TRAF1: variants seen among roughly 807,000 people sequenced by gnomAD.
TRAF1 encodes the protein TNF receptor-associated factor 1.
TRAF1 carries 23 observed loss-of-function variants against 40.9 expected under a neutral mutation model. The observed-to-expected ratio is 0.56, with a 90% CI of 0.40 to 0.80. The LOEUF (loss-of-function observed/expected upper bound fraction) is 0.80. TRAF1 is among the 30% of genes least tolerant of loss of function. The pLI is 0.00. For synonymous variants in TRAF1, 206 were observed against 218.8 expected, an observed-to-expected ratio of 0.94 and a Z score of 0.52; for missense variants, 477 against 528.7, an observed-to-expected ratio of 0.90 and a Z score of 0.96.
intron 3 of TRAF1, among the ~76,000 whole-genome samples, chr9:120,920,018 C>T (rs905720568): frequency 1.3e-5 from 2 of 152,182 alleles, no homozygotes; most frequent in Admixed American, 1.3e-4. Context: ...ATCACCGCCA[C>T]CCACCACACA....
chr9:120,925,914 C>G (rs781345169), intron 2 of TRAF1, 22 bp downstream of exon 2: 3 of 1,613,490 alleles, frequency 1.9e-6, no homozygotes, highest in East Asian at 2.2e-5. Context: ...TCTGCCCACC[C>G]TCCGCTCCTC....
intron 2 of TRAF1, 123 bp from the exon 3 acceptor site, chr9:120,923,915 A>G: frequency 1.1e-6 from 1 of 909,518 alleles, no homozygotes; most frequent in South Asian, 1.4e-5. Context: ...CCACAATCCC[A>G]GAGCCACAGT....
intron 3 of TRAF1, among the ~76,000 whole-genome samples, chr9:120,917,654 C>T (rs2046577792): frequency 6.6e-6 from 1 of 152,168 alleles, no homozygotes; most frequent in Non-Finnish European, 1.5e-5. Flanking sequence ...GGATGGCTTC[C>T]TCCCTTCCCC....
intron 7 of TRAF1, 97 bp downstream of exon 7, chr9:120,909,133 G>A (rs2046505328): frequency 1.6e-5 from 23 of 1,444,764 alleles, no homozygotes; most frequent in Non-Finnish European, 2.2e-5. Context: ...GAGGGTGGGG[G>A]ACTTGCCAGG....
chr9:120,906,629 A>G lies in TRAF1; in HGVS notation c.1033-1391T>C, dbSNP rs79351284. On this transcript the variant is annotated intron_variant, in intron 7 of 7. Transcript: ENST00000373887. The stretch of plus-strand genomic sequence containing the variant: ...TCCCCACCAGAGTGGTAGTTTTGTA[A>G]CAATTGATGAAGCTGCATTGACACA... Among the ~76,000 whole-genome samples, 717 of 152,318 alleles carry G rather than the reference A, an allele frequency of 4.7e-3. 10 individuals carry two copies. Among genetic ancestry groups the G allele is most frequent in the African/African-American group, 0.017 (687 of 41,570 alleles).
chr9:120,914,395 T>C (rs1588150529), intron 3 of TRAF1, 95 bp from the exon 4 acceptor site: 2 of 1,289,232 alleles, frequency 1.6e-6, no homozygotes, highest in African/African-American at 1.5e-5. Flanking sequence ...GGGCAGGAGA[T>C]GGCTTGGGCC....
chr9:120,925,828 A>C, intron 2 of TRAF1, 108 bp downstream of exon 2: 1 of 1,507,362 alleles, frequency 6.6e-7, no homozygotes, highest in Non-Finnish European at 9.0e-7. Context: ...GGCCCAGAGA[A>C]GAAAAGTCAC....
At chr9:120,922,314 C>G (rs565653360) in intron 3 of TRAF1, among the ~76,000 whole-genome samples, 5 of 152,268 alleles carry the variant, frequency 3.3e-5, no homozygotes, top group African/African-American at 1.2e-4. Context: ...TTAGCAAAGG[C>G]TTTGCCAAAA....
intron 3 of TRAF1, among the ~76,000 whole-genome samples, chr9:120,919,145 G>A (rs1431576316): frequency 6.6e-6 from 1 of 152,208 alleles, no homozygotes; most frequent in Non-Finnish European, 1.5e-5. Context: ...GAGAAGAACA[G>A]AGGATCTGTC....
intron 3 of TRAF1, among the ~76,000 whole-genome samples, chr9:120,921,039 C>G (rs1286660452): frequency 6.6e-6 from 1 of 152,058 alleles, no homozygotes; most frequent in African/African-American, 2.4e-5. Flanking sequence ...CCTCCCCACC[C>G]CAGCTTTTCA....
intron 5 of TRAF1, 136 bp from the exon 6 acceptor site, chr9:120,911,649 A>G (rs1441213507): frequency 3.0e-6 from 3 of 1,014,206 alleles, no homozygotes; most frequent in Non-Finnish European, 4.3e-6. Context: ...TCTGCATCTG[A>G]ATGTGCTGCC....
intron 5 of TRAF1, 133 bp from the exon 6 acceptor site, chr9:120,911,646 C>T: frequency 2.0e-6 from 2 of 1,016,818 alleles, no homozygotes; most frequent in Non-Finnish European, 2.8e-6. Context: ...GCGTCTGCAT[C>T]TGAATGTGCT....
Position 120,904,602 on chromosome 9 carries a change from A to G in TRAF1, c.*418T>C. ...GTCCTGTTTCTGACCCTGGAGAAAA[A>G]GAGAGCAGGCCTGTGTCCAGGTCTC... On this transcript the variant is annotated 3_prime_UTR_variant, in exon 8 of 8. Coordinates refer to ENST00000373887, the MANE Select transcript of TRAF1 (RefSeq NM_005658.5). 5.3e-6 allele frequency: 1 copy of G among 188,550 alleles called. No individual in the cohort carries two copies. Among genetic ancestry groups the G allele is most frequent in the Non-Finnish European group, 1.1e-5 (1 of 89,698 alleles). 11.7% of individuals were successfully genotyped at this position (188,550 alleles called of 1,614,324 possible). A position where few individuals can be genotyped will look rare whatever the true frequency, so the allele number is the denominator to read the frequency against.
chr9:120,910,588 G>A (rs1046423557), intron 6 of TRAF1, among the ~76,000 whole-genome samples: 1 of 152,100 alleles, frequency 6.6e-6, no homozygotes, highest in Non-Finnish European at 1.5e-5. Flanking sequence ...GTGGAGATGG[G>A]ATCTTGTTAC....
chr9:120,913,129 A>C (rs1439368642), intron 5 of TRAF1, among the ~76,000 whole-genome samples, 199 bp downstream of exon 5: 1 of 152,174 alleles, frequency 6.6e-6, no homozygotes, highest in Non-Finnish European at 1.5e-5. Flanking sequence ...GAACCGAAGC[A>C]CTGGATGGGA....
intron 3 of TRAF1, among the ~76,000 whole-genome samples, chr9:120,917,083 T>C (rs1199624912): frequency 2.0e-5 from 3 of 152,204 alleles, no homozygotes; most frequent in Non-Finnish European, 1.5e-5. Context: ...GGATGTGTCT[T>C]TCAGCAGCGG....
intron 6 of TRAF1, 144 bp downstream of exon 6, chr9:120,911,192 C>T (rs2046523441): frequency 3.2e-6 from 3 of 935,372 alleles, no homozygotes; most frequent in Admixed American, 2.8e-5. Context: ...ATGGTTCCTG[C>T]CCATGGTGAG....
Position 120,913,440 on chromosome 9 carries a change from T to A in TRAF1, c.593A>T (p.Glu198Val). 6.2e-7 allele frequency: 1 copy of A among 1,613,946 alleles called. No individual in the cohort carries two copies. Among genetic ancestry groups the A allele is most frequent in the African/African-American group, 1.3e-5 (1 of 75,044 alleles). The change falls in exon 5 of 8, where the codon GAG becomes GTG. Residue 198 changes from glutamate (E) to valine (V), a missense_variant. By Grantham distance (121) the Glu-to-Val change is moderately radical (BLOSUM62 -2). Coordinates refer to ENST00000373887, the MANE Select transcript of TRAF1 (RefSeq NM_005658.5). ...AELEGKLRVF[E>V]NIVAVLNKEV... ...CTTGTTGAGGACAGCAACAATGTTC[T>A]CAAACACACGCAGCTTCCCCTCCAG... is the stretch of plus-strand genomic sequence containing the variant.
intron 7 of TRAF1, among the ~76,000 whole-genome samples, chr9:120,905,770 C>T (rs1482962378): frequency 2.0e-5 from 3 of 152,156 alleles, no homozygotes; most frequent in African/African-American, 7.2e-5. Context: ...CGGAGGTTCC[C>T]CTGAGAAGCC....
Sources: allele counts gnomAD v4.1 joint callset (sites outside exome capture counted in the v4.1 genomes callset), GRCh38; gene constraint gnomAD v4.1.1; transcripts MANE v1.5; gene names NCBI Gene and HGNC (gene_info 2026-07-23, HGNC 2026-07-21).